MOBP: variants seen among roughly 807,000 people sequenced by gnomAD.
The protein encoded by MOBP is myelin associated oligodendrocyte basic protein.
A neutral mutation model predicts 15.0 loss-of-function variants in MOBP; 5 were observed. The observed-to-expected ratio is 0.33, with a 90% confidence interval of 0.17 to 0.70. The LOEUF (loss-of-function observed/expected upper bound fraction) is 0.70. MOBP is among the 30% of genes least tolerant of loss of function. The pLI, the probability that MOBP is intolerant of heterozygous loss-of-function variation, is 0.67. For missense variants in MOBP, 188 were observed against 257.8 expected (o/e 0.73, Z 1.85); for synonymous variants, 88 against 99.0 (o/e 0.89, Z 0.66).
intron 4 of MOBP, among the ~76,000 whole-genome samples, chr3:39,511,933 C>T (rs1049728055): frequency 2.0e-5 from 3 of 152,182 alleles, no homozygotes; most frequent in African/African-American, 7.2e-5. Flanking sequence ...TGTGGATTTC[C>T]TGTGTCTTAA....
intron 2 of MOBP, among the ~76,000 whole-genome samples, chr3:39,492,468 A>G (rs1575300791): frequency 6.6e-6 from 1 of 152,216 alleles, no homozygotes; most frequent in South Asian, 2.1e-4. Flanking sequence ...CCAGGCCACT[A>G]TAAATTTAGA....
At chr3:39,470,298 A>T (rs1458590824) in intron 1 of MOBP, among the ~76,000 whole-genome samples, 4 of 152,238 alleles carry the variant, frequency 2.6e-5, no homozygotes, top group Non-Finnish European at 5.9e-5. Flanking sequence ...TAACTGGCCA[A>T]AACTGTTAAA....
At chr3:39,519,038 C>T (rs965845643), downstream of MOBP, among the ~76,000 whole-genome samples, 3 of 152,124 alleles carry the variant, frequency 2.0e-5, no homozygotes, top group East Asian at 1.9e-4. Context: ...CTCTTAAGTA[C>T]ATCAATCTTT....
intron 2 of MOBP, among the ~76,000 whole-genome samples, chr3:39,484,479 A>T (rs1407282895): frequency 6.6e-6 from 1 of 152,168 alleles, no homozygotes; most frequent in African/African-American, 2.4e-5. Context: ...GTGAGTCTAG[A>T]GTCAGGGCCA....
At position 39,492,545 on chromosome 3, in the gene MOBP, T is replaced by C. The variant is rs559526947; in HGVS notation, c.-4-9521T>C. Among the ~76,000 whole-genome samples, 18 of 152,330 alleles carry C rather than the reference T, an allele frequency of 1.2e-4. No individual in the cohort carries two copies. In the South Asian group the frequency reaches 3.7e-3, roughly 32 times the overall value. The stretch of plus-strand genomic sequence containing the variant: ...TATTCATCATGGGTTGGGCTTGTAA[T>C]ATCACATCAATTCTACAGTTACAGA... On this transcript the variant is annotated intron_variant, in intron 2 of 3. Transcript: ENST00000684792.
chr3:39,473,052 A>C (rs2042494032), intron 1 of MOBP, among the ~76,000 whole-genome samples: 1 of 152,130 alleles, frequency 6.6e-6, no homozygotes, highest in South Asian at 2.1e-4. Context: ...GCGGGGCTGG[A>C]CTGGGCCCCT....
At chr3:39,479,103 T>C (rs9823856) in intron 1 of MOBP, among the ~76,000 whole-genome samples, 151,901 of 152,256 alleles carry the variant, frequency 1, 75,775 homozygotes, top group Middle Eastern at 1. Context: ...GTTGGGATTA[T>C]AGGCCTGAGC....
In MOBP at chr3:39,502,264, C is replaced by T. The variant is rs2042982024; in HGVS notation, c.195C>T (p.Cys65=). The stretch of plus-strand genomic sequence containing the variant: ...AGGAGGACTGGATCTGCTGCGCCTG[C>T]CAGAAGACCAGGTAAGCGGCCGCCC... ...KKEEDWICCA[C]QKTRTSRRAK... The change falls in exon 3 of 4, where the codon TGC becomes TGT. Residue 65 remains cysteine, a synonymous_variant. Transcript: ENST00000684792. The surrounding 1 kb of genome is among the most constrained non-coding windows in gnomAD (Gnocchi z 6.3). The T allele has an allele frequency of 6.2e-7, 1 of 1,614,164 alleles. No individual in the cohort carries two copies. The highest frequency in any genetic ancestry group is 8.5e-7 in the Non-Finnish European group (1 of 1,180,024).
downstream of MOBP, among the ~76,000 whole-genome samples, chr3:39,520,584 GAGAGAGAGAGAC>G (rs1237419361): frequency 6.6e-6 from 1 of 151,008 alleles, no homozygotes; most frequent in African/African-American, 2.5e-5. Context: ...ATGAGAGAGA[GAGAGAGAGAGAC>G]AGAGAGAGAG....
chr3:39,498,262 G>A (rs1476307208), intron 2 of MOBP, among the ~76,000 whole-genome samples: 1 of 152,216 alleles, frequency 6.6e-6, no homozygotes, highest in African/African-American at 2.4e-5. Flanking sequence ...ATATAGAACT[G>A]CTTAAGCAGG....
At chr3:39,515,517 C>T (rs969030432) in exon 5 of MOBP, 3 of 151,380 alleles carry the variant, frequency 2.0e-5, no homozygotes, top group Non-Finnish European at 4.4e-5. Flanking sequence ...GGACAAGGTT[C>T]ATTGTTCTTC....
At chr3:39,513,178 T>G (rs1366713077) in intron 4 of MOBP, among the ~76,000 whole-genome samples, 1 of 152,214 alleles carries the variant, frequency 6.6e-6, no homozygotes, top group Non-Finnish European at 1.5e-5. Context: ...AAGAATATCT[T>G]TCCTAGGCTC....
intron 2 of MOBP, among the ~76,000 whole-genome samples, chr3:39,494,792 GC>G (rs931164636): frequency 1.1e-4 from 5 of 46,106 alleles, no homozygotes; most frequent in Non-Finnish European, 2.3e-4. Flanking sequence ...GCCCCCCCCC[GC>G]CCCCCGAGTT....
At chr3:39,504,937 CT>C (rs1474161068), downstream of MOBP, among the ~76,000 whole-genome samples, 9 of 152,218 alleles carry the variant, frequency 5.9e-5, no homozygotes, top group African/African-American at 1.9e-4. Flanking sequence ...TGGCAAAGGC[CT>C]AATTGGATTC....
At chr3:39,496,190 C>CT (rs544227180) in intron 2 of MOBP, among the ~76,000 whole-genome samples, 1 of 133,290 alleles carries the variant, frequency 7.5e-6, no homozygotes, top group Non-Finnish European at 1.5e-5. Flanking sequence ...TTTTCTTTTT[C>CT]TTTTTTTTCT....
chr3:39,502,035 C>G lies in MOBP; in HGVS notation c.-4-31C>G. 1 of 1,588,086 alleles carries G rather than the reference C, an allele frequency of 6.3e-7. No individual in the cohort carries two copies. Among genetic ancestry groups the G allele is most frequent in the East Asian group, 2.2e-5 (1 of 44,742 alleles). On this transcript the variant is annotated intron_variant, in intron 2 of 3. Transcript: ENST00000684792. This position sits in a 1 kb window ranked among gnomAD's most constrained non-coding sequence, Gnocchi z 6.3. ...CCTTTCCTGATGTGCGTTTATGTCT[C>G]CTCCTGTCTCCTTGCATCGGCGATT...
chr3:39,509,598 T>A (rs1223184830), intron 4 of MOBP, among the ~76,000 whole-genome samples: 1 of 152,184 alleles, frequency 6.6e-6, no homozygotes, highest in East Asian at 1.9e-4. Context: ...AAAAATATTC[T>A]AGATACAAGA....
In MOBP at chr3:39,502,430, G is replaced by A; in HGVS notation, c.207-105G>A. ...GCACTCCAGGGAGACTGGAAGGTGG[G>A]TGGGGGAGCAGGGCCTTCCTACCTG... On this transcript the variant is annotated intron_variant, in intron 3 of 3. Coordinates refer to ENST00000684792, the MANE Select transcript of MOBP (RefSeq NM_001393704.1). This position sits in a 1 kb window ranked among gnomAD's most constrained non-coding sequence, Gnocchi z 6.3. 6.6e-7 allele frequency: 1 copy of A among 1,523,100 alleles called. No individual in the cohort carries two copies. The highest frequency in any genetic ancestry group is 1.2e-5 in the South Asian group (1 of 81,006). 94.3% of individuals were successfully genotyped at this position (1,523,100 alleles called of 1,614,324 possible).
At chr3:39,468,757 T>G (rs369417639) in intron 1 of MOBP, among the ~76,000 whole-genome samples, 1 of 144,136 alleles carries the variant, frequency 6.9e-6, no homozygotes, top group South Asian at 2.2e-4. Context: ...TATACATATA[T>G]ACATGTGTGT....
Sources: gnomAD v4.1 joint callset for allele counts (sites outside exome capture counted in the v4.1 genomes callset) on GRCh38, gnomAD v4.1.1 for gene constraint, Gnocchi (gnomAD v3.1) non-coding constraint, MANE v1.5 for transcripts, NCBI Gene and HGNC (gene_info 2026-07-23, HGNC 2026-07-21) for gene names.